The following MCM10 variants were observed in gnomAD, a reference collection of about 807,000 sequenced individuals.
The protein encoded by MCM10 is minichromosome maintenance 10 replication initiation factor, also known as protein MCM10 homolog.
Under a neutral mutation model 109.9 loss-of-function variants are expected in MCM10, and 91 were observed. The ratio of observed to expected loss-of-function variants is 0.83; its 90% CI spans 0.70 to 0.99. The LOEUF (loss-of-function observed/expected upper bound fraction) is 0.99, where lower values mean the gene tolerates loss of function less well. Among genes scored for constraint, MCM10 ranks in the 50% least tolerant of loss-of-function variants. The pLI is 0.00. For synonymous variants in MCM10, 380 were observed against 387.2 expected (o/e 0.98, Z 0.22); for missense variants, 1,077 against 1,061.2 (o/e 1.01, Z -0.21).
chr10:13,188,606 C>T (rs1321113085), intron 9 of MCM10, among the ~76,000 whole-genome samples: 2 of 152,164 alleles, frequency 1.3e-5, no homozygotes, highest in Non-Finnish European at 2.9e-5. Context: ...TTTCACCTAA[C>T]TTGTTTTCAA....
chr10:13,205,994 C>T (rs370164850), intron 18 of MCM10, among the ~76,000 whole-genome samples: 139 of 152,284 alleles, frequency 9.1e-4, no homozygotes, highest in Middle Eastern at 6.8e-3. Context: ...GCAGGTCCAT[C>T]CAGTGCCCTC....
intron 6 of MCM10, among the ~76,000 whole-genome samples, chr10:13,176,319 C>G (rs990739523): frequency 6.6e-5 from 10 of 152,094 alleles, no homozygotes; most frequent in Admixed American, 5.9e-4. Context: ...ATATTCAAAT[C>G]TTGGACTTTT....
In MCM10 at chr10:13,203,440, G is replaced by A. The variant is rs1834526756; in HGVS notation, c.2353-779G>A. Reference sequence around the variant, plus strand: ...CAATCTCCCTATCCATTAGCAACCTGAATTTCACCTGCAGCCTCGATTCCC... The same window carrying A: ...CAATCTCCCTATCCATTAGCAACCTAAATTTCACCTGCAGCCTCGATTCCC... On this transcript the variant is annotated intron_variant, in intron 17 of 19. Coordinates refer to ENST00000378714, the MANE Select transcript of MCM10 (RefSeq NM_018518.5). 2.0e-5 allele frequency among the ~76,000 whole-genome samples: 3 copies of A among 152,204 alleles called. No individual in the cohort carries two copies. The South Asian group carries it at 6.2e-4, about 32-fold the overall frequency.
At chr10:13,163,438 C>G (rs1259147317) in intron 1 of MCM10, among the ~76,000 whole-genome samples, 2 of 152,192 alleles carry the variant, frequency 1.3e-5, no homozygotes, top group Admixed American at 6.5e-5. Flanking sequence ...AAAATGTATA[C>G]TTTCTTACTT....
rs1245336711 is a variant in MCM10 at position 13,189,820 on chromosome 10, C to T, written c.1415+740C>T. On this transcript the variant is annotated intron_variant, in intron 10 of 19. Coordinates refer to ENST00000378714, the MANE Select transcript of MCM10 (RefSeq NM_018518.5). The stretch of plus-strand genomic sequence containing the variant: ...GGGGAGTGGGGCGATGCTGGGCAGG[C>T]ATCCATGGCCCCTTGCCTGGGGGTT... Among the ~76,000 whole-genome samples the T allele has an allele frequency of 2.0e-5, 3 of 152,162 alleles. No individual in the cohort carries two copies. In the East Asian group the frequency reaches 5.8e-4, roughly 29 times the overall value.
At chr10:13,204,122 A>G in intron 17 of MCM10, 97 bp from the exon 18 acceptor site, 1 of 1,449,360 alleles carries the variant, frequency 6.9e-7, no homozygotes, top group Non-Finnish European at 9.4e-7. Context: ...GTGATGAGAG[A>G]CCAGGTGGTC....
intron 6 of MCM10, among the ~76,000 whole-genome samples, chr10:13,177,056 TG>T (rs138127810): frequency 0.01 from 1,566 of 152,352 alleles, 24 homozygotes; most frequent in African/African-American, 0.036. Flanking sequence ...GGTAGAGAAT[TG>T]CCCCCACCTG....
intron 1 of MCM10, among the ~76,000 whole-genome samples, 155 bp from the exon 2 acceptor site, chr10:13,163,973 G>T (rs775369720): frequency 2.0e-5 from 3 of 152,194 alleles, no homozygotes; most frequent in Non-Finnish European, 2.9e-5. Context: ...AGATGGCATT[G>T]GCGGTGTGGA....
At chr10:13,191,504 G>C in intron 11 of MCM10, 105 bp downstream of exon 11, 1 of 799,284 alleles carries the variant, frequency 1.3e-6, no homozygotes, top group East Asian at 2.5e-5. Context: ...CCGGTGATGG[G>C]TACACCAAAA....
At chr10:13,168,546 T>G (rs967562419) in intron 2 of MCM10, among the ~76,000 whole-genome samples, 4 of 151,784 alleles carry the variant, frequency 2.6e-5, no homozygotes, top group Admixed American at 6.6e-5. Context: ...CAGATATCCT[T>G]AATATTTTTC....
chr10:13,190,609 T>C (rs539446161), intron 10 of MCM10, among the ~76,000 whole-genome samples: 16 of 152,158 alleles, frequency 1.1e-4, no homozygotes, highest in Non-Finnish European at 1.6e-4. Flanking sequence ...TGCTTGAGCC[T>C]GGGGAAGTTG....
intron 17 of MCM10, 32 bp from the exon 18 acceptor site, chr10:13,204,187 C>A: frequency 6.2e-7 from 1 of 1,603,064 alleles, no homozygotes; most frequent in Non-Finnish European, 8.5e-7. Context: ...GGCTCTTCAC[C>A]GGCGGTGTGG....
intron 18 of MCM10, among the ~76,000 whole-genome samples, chr10:13,205,044 ATATATATATT>A (rs1834560656): frequency 3.2e-5 from 3 of 94,918 alleles, no homozygotes; most frequent in Non-Finnish European, 6.7e-5. Flanking sequence ...ATATATATAT[ATATATATATT>A]AATTTGTATA....
intron 1 of MCM10, among the ~76,000 whole-genome samples, chr10:13,163,821 T>C (rs983870955): frequency 2.6e-5 from 4 of 152,192 alleles, no homozygotes; most frequent in African/African-American, 7.2e-5. Flanking sequence ...GTTGAGCCAC[T>C]GTACCTAGCC....
chr10:13,175,641 C>T lies in MCM10; in HGVS notation c.724C>T (p.Gln242Ter). 6.2e-7 allele frequency: 1 copy of T among 1,613,044 alleles called. No homozygotes were observed. The highest frequency in any genetic ancestry group is 1.1e-5 in the South Asian group (1 of 90,982). ...GTPGSSGETTQPICVEAFSGL... is the reference protein window; with the variant it reads ...GTPGSSGETT ...CCCAGGAAGTTCTGGGGAAACGACT[C>T]AACCCATCTGTGTGGAAGCCTTCTC... The change falls in exon 6 of 20, where the codon CAA becomes TAA. Residue 242 changes from glutamine to a stop codon, truncating the protein, a stop_gained. Transcript: ENST00000378714. LOFTEE classifies it high-confidence loss of function.
Position 13,188,946 on chromosome 10 carries a change from G to T in MCM10, c.1281G>T (p.Ala427=). 1 of 1,614,206 alleles carries T rather than the reference G, an allele frequency of 6.2e-7. No homozygotes were observed. The highest frequency in any genetic ancestry group is 1.1e-5 in the South Asian group (1 of 91,086). The change falls in exon 10 of 20, where the codon GCG becomes GCT. Residue 427 remains alanine, a synonymous_variant. Transcript: ENST00000378714. ...AQYKKLSAKR[A]DLQSTFSGGR... ...ACAAGAAGCTCAGCGCAAAGCGTGC[G>T]GATCTGCAGTCCACCTTCTCTGGAG...
chr10:13,165,006 C>T (rs1266073450), intron 2 of MCM10, among the ~76,000 whole-genome samples: 1 of 151,970 alleles, frequency 6.6e-6, no homozygotes, highest in African/African-American at 2.4e-5. Flanking sequence ...TACACTTTGC[C>T]CTTTAAAACA....
chr10:13,201,616 G>A, intron 17 of MCM10, 82 bp downstream of exon 17: 1 of 1,020,624 alleles, frequency 9.8e-7, no homozygotes. Flanking sequence ...GAACCTGTGG[G>A]ATCTGGGGCC....
intron 2 of MCM10, among the ~76,000 whole-genome samples, chr10:13,164,448 G>A (rs750839763): frequency 1.3e-5 from 2 of 152,204 alleles, no homozygotes; most frequent in African/African-American, 2.4e-5. Flanking sequence ...GCTGGTAGGT[G>A]TACAGTGGGC....
Sources: allele counts gnomAD v4.1 joint callset (sites outside exome capture counted in the v4.1 genomes callset), GRCh38; gene constraint gnomAD v4.1.1; transcripts MANE v1.5; gene names NCBI Gene and HGNC (gene_info 2026-07-23, HGNC 2026-07-21).